SGCD: variants seen among roughly 807,000 people sequenced by gnomAD.
The protein encoded by SGCD is sarcoglycan delta, also known as delta-sarcoglycan.
In SGCD, 18 loss-of-function variants were observed where a neutral mutation model predicts 36.6. That is an observed-to-expected ratio of 0.49 (90% CI 0.34 to 0.73). The LOEUF is 0.73. Among genes scored for constraint, SGCD ranks in the 30% least tolerant of loss-of-function variants. The probability of loss-of-function intolerance (pLI) is 0.01; values close to 1 mark genes in which losing one functional copy is unlikely to be tolerated. For synonymous variants in SGCD, 133 were observed against 130.6 expected (o/e 1.02, Z -0.12); for missense variants, 387 against 346.7 (o/e 1.12, Z -0.92).
intron 1 of SGCD, among the ~76,000 whole-genome samples, chr5:155,884,359 C>T (rs1755959491): frequency 6.6e-6 from 1 of 152,182 alleles, no homozygotes; most frequent in African/African-American, 2.4e-5. Flanking sequence ...TAAATCCCAG[C>T]AAGTCCTGCC....
chr5:156,574,044 C>T lies in SGCD; in HGVS notation c.295-15187C>T, dbSNP rs574185420. Among the ~76,000 whole-genome samples, 37 of 152,276 alleles carry T rather than the reference C, an allele frequency of 2.4e-4. No individual in the cohort carries two copies. In the South Asian group the frequency reaches 7.0e-3, roughly 29 times the overall value. On this transcript the variant is annotated intron_variant, in intron 4 of 8. Coordinates refer to ENST00000337851, the MANE Select transcript of SGCD (RefSeq NM_000337.6). ...TGTTAGCACATATTGAGTCCTCACC[C>T]TTTACTCGGCACTATGCTGCCTGTT... is the stretch of plus-strand genomic sequence containing the variant.
At chr5:156,407,002 CGA>C (rs1772467991) in intron 3 of SGCD, among the ~76,000 whole-genome samples, 1 of 151,562 alleles carries the variant, frequency 6.6e-6, no homozygotes, top group Non-Finnish European at 1.5e-5. Context: ...GCATCCAGCA[CGA>C]GAGAAAGATG....
chr5:156,724,621 A>G (rs1441868011), intron 7 of SGCD, among the ~76,000 whole-genome samples: 1 of 152,070 alleles, frequency 6.6e-6, no homozygotes, highest in African/African-American at 2.4e-5. Context: ...AAAAAAAAAG[A>G]AAGAAAATAT....
intron 7 of SGCD, among the ~76,000 whole-genome samples, chr5:156,680,181 A>G (rs766128476): frequency 6.6e-6 from 1 of 152,140 alleles, no homozygotes; most frequent in African/African-American, 2.4e-5. Context: ...CTGTCATACT[A>G]CAAATGGGGA....
intron 7 of SGCD, among the ~76,000 whole-genome samples, chr5:156,666,896 G>A (rs1466147216): frequency 1.3e-5 from 2 of 152,106 alleles, no homozygotes; most frequent in African/African-American, 4.8e-5. Flanking sequence ...GCAGTGAGTT[G>A]AGATCATGCC....
intron 1 of SGCD, among the ~76,000 whole-genome samples, chr5:155,950,664 G>C (rs1032618642): frequency 6.6e-6 from 1 of 152,118 alleles, no homozygotes; most frequent in Non-Finnish European, 1.5e-5. Context: ...CTTCCCCAAA[G>C]ACTTCCAGGC....
chr5:156,250,088 C>T (rs1000706338), intron 3 of SGCD, among the ~76,000 whole-genome samples: 3 of 152,158 alleles, frequency 2.0e-5, no homozygotes, highest in Non-Finnish European at 4.4e-5. Context: ...CTATAATGAG[C>T]GTTGAAACTT....
intron 3 of SGCD, among the ~76,000 whole-genome samples, chr5:156,218,379 C>G (rs1272736277): frequency 2.0e-5 from 3 of 152,062 alleles, no homozygotes; most frequent in Non-Finnish European, 2.9e-5. Flanking sequence ...TTCAAATTTA[C>G]TTAAAGTCTT....
At chr5:156,743,940 A>G (rs960614148) in intron 7 of SGCD, among the ~76,000 whole-genome samples, 2 of 152,232 alleles carry the variant, frequency 1.3e-5, no homozygotes, top group Non-Finnish European at 2.9e-5. Flanking sequence ...TGCTTATTTT[A>G]TTTAAGCCAA....
intron 3 of SGCD, among the ~76,000 whole-genome samples, chr5:156,496,003 T>G (rs2127855677): frequency 6.6e-6 from 1 of 152,238 alleles, no homozygotes; most frequent in South Asian, 2.1e-4. Context: ...TGCAAGAGTT[T>G]TTCCAAGAAT....
intron 7 of SGCD, among the ~76,000 whole-genome samples, chr5:156,695,112 TTGTGTG>T (rs370137233): frequency 1.2e-4 from 16 of 129,036 alleles, no homozygotes; most frequent in African/African-American, 3.6e-4. Context: ...GGTACTGTGT[TTGTGTG>T]TGTGTGTGTG....
intron 3 of SGCD, among the ~76,000 whole-genome samples, chr5:156,451,312 A>T (rs1486578889): frequency 6.6e-6 from 1 of 152,170 alleles, no homozygotes; most frequent in Admixed American, 6.6e-5. Context: ...GAACAGTCAT[A>T]CCCAAAGGAC....
chr5:156,095,825 T>C (rs1393413259), intron 1 of SGCD, among the ~76,000 whole-genome samples: 1 of 152,180 alleles, frequency 6.6e-6, no homozygotes, highest in Non-Finnish European at 1.5e-5. Flanking sequence ...AGCTGAGTCC[T>C]AATGGAACAA....
chr5:156,258,375 A>G (rs1765765861), intron 3 of SGCD, among the ~76,000 whole-genome samples: 1 of 152,206 alleles, frequency 6.6e-6, no homozygotes, highest in Non-Finnish European at 1.5e-5. Context: ...AAAATCATAT[A>G]TGGGGTAAAA....
At chr5:156,125,952 A>C (rs1024900919) in intron 3 of SGCD, among the ~76,000 whole-genome samples, 6 of 150,948 alleles carry the variant, frequency 4.0e-5, no homozygotes, top group Non-Finnish European at 7.4e-5. Context: ...GTCTCGGCTC[A>C]CTGCAACCTC....
intron 1 of SGCD, among the ~76,000 whole-genome samples, chr5:155,944,374 A>G (rs777049296): frequency 6.6e-6 from 1 of 152,210 alleles, no homozygotes; most frequent in African/African-American, 2.4e-5. Context: ...GCCATTCCAG[A>G]CAATGACTAG....
chr5:156,146,548 A>C (rs957145469), intron 3 of SGCD, among the ~76,000 whole-genome samples: 1 of 152,222 alleles, frequency 6.6e-6, no homozygotes, highest in Non-Finnish European at 1.5e-5. Flanking sequence ...AAAGGTTTAG[A>C]CATATTACTT....
At chr5:155,740,997 G>A in the SGCD span, among the ~76,000 whole-genome samples, 1 of 152,100 alleles carries the variant, frequency 6.6e-6, no homozygotes, top group Admixed American at 6.5e-5. Context: ...TATTTTAGTG[G>A]GACAGAAGTC....
the SGCD span, among the ~76,000 whole-genome samples, chr5:155,740,163 A>G: frequency 6.6e-6 from 1 of 152,206 alleles, no homozygotes; most frequent in Non-Finnish European, 1.5e-5. Flanking sequence ...CACTGGCACA[A>G]TCATGGCTCA....
Sources: gnomAD v4.1 joint callset for allele counts (sites outside exome capture counted in the v4.1 genomes callset) on GRCh38, gnomAD v4.1.1 for gene constraint, MANE v1.5 for transcripts, NCBI Gene and HGNC (gene_info 2026-07-23, HGNC 2026-07-21) for gene names.